EXOC4: variants seen among roughly 807,000 people sequenced by gnomAD.
EXOC4 encodes SEC8-like 1.
EXOC4 carries 71 observed loss-of-function variants against 107.2 expected under a neutral mutation model. That is an observed-to-expected ratio of 0.66 (90% CI 0.55 to 0.81). The LOEUF (loss-of-function observed/expected upper bound fraction) is 0.81. Ranked by LOEUF, EXOC4 falls within the 30% of genes least tolerant of loss-of-function variation. The probability of loss-of-function intolerance (pLI) is 0.00; values close to 1 mark genes in which losing one functional copy is unlikely to be tolerated. For missense variants in EXOC4, 1,108 were observed against 1,189.6 expected (o/e 0.93, Z 1.01); for synonymous variants, 456 against 441.2 (o/e 1.03, Z -0.42).
intron 11 of EXOC4, 53 bp downstream of exon 11, chr7:133,817,597 G>A: frequency 7.6e-7 from 1 of 1,308,184 alleles, no homozygotes; most frequent in Non-Finnish European, 1.1e-6. Flanking sequence ...CATTGACTTG[G>A]CAAGTGTCAT....
At chr7:134,006,812 T>C (rs1794651923) in intron 16 of EXOC4, among the ~76,000 whole-genome samples, 1 of 152,212 alleles carries the variant, frequency 6.6e-6, no homozygotes, top group South Asian at 2.1e-4. Context: ...ATCCAGCTTT[T>C]AAAAATAGTA....
intron 10 of EXOC4, among the ~76,000 whole-genome samples, chr7:133,660,006 C>T (rs769915494): frequency 2.0e-5 from 3 of 152,160 alleles, no homozygotes; most frequent in East Asian, 3.9e-4. Context: ...AAACCAGAAG[C>T]AGAGGCTGAC....
chr7:133,948,074 G>A (rs763968760), intron 14 of EXOC4, among the ~76,000 whole-genome samples: 3 of 152,132 alleles, frequency 2.0e-5, no homozygotes, highest in African/African-American at 7.2e-5. Flanking sequence ...GAGGAGGAGC[G>A]GCTGCTGCAG....
chr7:133,852,968 A>T (rs1798266902), intron 11 of EXOC4, among the ~76,000 whole-genome samples: 1 of 152,222 alleles, frequency 6.6e-6, no homozygotes, highest in Admixed American at 6.5e-5. Context: ...TCTGCTGTCA[A>T]GTATTCCTTG....
rs577182876 is a variant in EXOC4 at position 133,660,105 on chromosome 7, A to G, written c.1514+29964A>G. 4.6e-5 allele frequency among the ~76,000 whole-genome samples: 7 copies of G among 152,258 alleles called. No individual in the cohort carries two copies. The South Asian group carries it at 1.5e-3, about 32-fold the overall frequency. ...GGGTTTGTTATTGCCCTGGAGCAGT[A>G]CATTTAGAATTCACAACCTGAATAT... is the stretch of plus-strand genomic sequence containing the variant. On this transcript the variant is annotated intron_variant, in intron 10 of 17. Transcript: ENST00000253861.
At chr7:134,021,021 C>T (rs1198249978) in intron 17 of EXOC4, among the ~76,000 whole-genome samples, 7 of 151,802 alleles carry the variant, frequency 4.6e-5, no homozygotes, top group Non-Finnish European at 1.0e-4. Flanking sequence ...ATTAGAGGAT[C>T]AACTATAGGG....
intron 13 of EXOC4, among the ~76,000 whole-genome samples, chr7:133,937,091 C>T (rs1434366274): frequency 1.3e-5 from 2 of 152,176 alleles, no homozygotes; most frequent in Admixed American, 6.6e-5. Flanking sequence ...GTTGGAGCCT[C>T]CAGTTCTTCA....
chr7:133,312,352 A>G (rs1028225397), intron 4 of EXOC4, among the ~76,000 whole-genome samples: 5 of 152,220 alleles, frequency 3.3e-5, no homozygotes, highest in Admixed American at 1.3e-4. Context: ...TATACTTTAT[A>G]TATTGGTATA....
intron 6 of EXOC4, among the ~76,000 whole-genome samples, chr7:133,363,090 G>A (rs1177223005): frequency 6.6e-6 from 1 of 152,158 alleles, no homozygotes; most frequent in African/African-American, 2.4e-5. Context: ...TTTAACTTCA[G>A]TGATTATGAT....
At chr7:134,032,131 T>C (rs1471465502) in intron 17 of EXOC4, among the ~76,000 whole-genome samples, 2 of 152,228 alleles carry the variant, frequency 1.3e-5, no homozygotes, top group African/African-American at 4.8e-5. Context: ...GACCTTGATA[T>C]GAGAAAGAGG....
chr7:133,889,548 A>G (rs1799162318), intron 11 of EXOC4, among the ~76,000 whole-genome samples: 1 of 134,808 alleles, frequency 7.4e-6, no homozygotes, highest in Non-Finnish European at 1.6e-5. Context: ...CATTAGGTAT[A>G]TCTCCGAATG....
At chr7:133,463,249 C>T (rs1447414703) in intron 7 of EXOC4, among the ~76,000 whole-genome samples, 1 of 152,096 alleles carries the variant, frequency 6.6e-6, no homozygotes, top group Non-Finnish European at 1.5e-5. Flanking sequence ...ACATTTTGAT[C>T]CCAGGTGATC....
intron 10 of EXOC4, among the ~76,000 whole-genome samples, chr7:133,728,105 CACTGAGTGAAA>C (rs1795253514): frequency 6.6e-6 from 1 of 152,174 alleles, no homozygotes; most frequent in African/African-American, 2.4e-5. Flanking sequence ...TCAGCAGCAT[CACTGAGTGAAA>C]ACCAGCAACA....
intron 10 of EXOC4, among the ~76,000 whole-genome samples, chr7:133,676,294 C>T (rs775543994): frequency 4.6e-5 from 7 of 152,032 alleles, no homozygotes; most frequent in African/African-American, 9.7e-5. Context: ...TTAGAATGGG[C>T]GCAAAATTTT....
At position 133,875,815 on chromosome 7, in the gene EXOC4, A is replaced by G. The variant is rs187181077; in HGVS notation, c.1735-19784A>G. Among the ~76,000 whole-genome samples the G allele has an allele frequency of 9.2e-5, 14 of 152,350 alleles. No individual in the cohort carries two copies. In the East Asian group the frequency reaches 2.5e-3, roughly 27 times the overall value. On this transcript the variant is annotated intron_variant, in intron 11 of 17. Transcript: ENST00000253861. ...GTCACAATAACCTTCTTCCACAAGCAGTCTTCATTCATGTCTACCATGATA... is the reference window on the plus strand; with the variant it reads ...GTCACAATAACCTTCTTCCACAAGCGGTCTTCATTCATGTCTACCATGATA...
chr7:134,099,305 G>A, the EXOC4 span, among the ~76,000 whole-genome samples: 10 of 151,848 alleles, frequency 6.6e-5, no homozygotes, highest in African/African-American at 1.2e-4. Flanking sequence ...TCCGCCTCAT[G>A]CTTTGTCCCT....
chr7:133,787,571 G>A (rs911168888), intron 10 of EXOC4, among the ~76,000 whole-genome samples: 24 of 151,892 alleles, frequency 1.6e-4, no homozygotes, highest in Admixed American at 2.6e-4. Flanking sequence ...TTAAACAACA[G>A]ACAGTTCTGG....
intron 9 of EXOC4, among the ~76,000 whole-genome samples, chr7:133,511,092 G>T (rs184160193): frequency 1.3e-5 from 2 of 151,974 alleles, no homozygotes; most frequent in African/African-American, 4.8e-5. Context: ...GGCTCCAGGC[G>T]TCCTGGCTAC....
chr7:133,502,686 C>G (rs1297009543), intron 9 of EXOC4, among the ~76,000 whole-genome samples: 1 of 152,084 alleles, frequency 6.6e-6, no homozygotes, highest in African/African-American at 2.4e-5. Flanking sequence ...AGAAGTAAGG[C>G]AACCGCAGGT....
Sources: allele counts gnomAD v4.1 joint callset (sites outside exome capture counted in the v4.1 genomes callset), GRCh38; gene constraint gnomAD v4.1.1; transcripts MANE v1.5; gene names NCBI Gene and HGNC (gene_info 2026-07-23, HGNC 2026-07-21).